Variants in SCNN1B observed in about 807,000 individuals in gnomAD.
SCNN1B encodes sodium channel epithelial 1 subunit beta.
Under a neutral mutation model 65.3 loss-of-function variants are expected in SCNN1B, and 46 were observed. The ratio of observed to expected loss-of-function variants is 0.70; its 90% CI spans 0.56 to 0.90. The LOEUF (loss-of-function observed/expected upper bound fraction) is 0.90. SCNN1B is among the 40% of genes least tolerant of loss of function. The pLI is 0.00. For synonymous variants in SCNN1B, 349 were observed against 330.6 expected, an observed-to-expected ratio of 1.06 and a Z score of -0.60; for missense variants, 751 against 830.5, an observed-to-expected ratio of 0.90 and a Z score of 1.18.
chr16:23,369,760 T>C (rs1349073911), intron 5 of SCNN1B, among the ~76,000 whole-genome samples: 1 of 152,174 alleles, frequency 6.6e-6, no homozygotes, highest in East Asian at 1.9e-4. Flanking sequence ...GGCAGATGGT[T>C]ATAGTCAGGG....
At chr16:23,282,620 A>C (rs923621245) in intron 1 of SCNN1B, among the ~76,000 whole-genome samples, 7 of 152,308 alleles carry the variant, frequency 4.6e-5, no homozygotes, top group African/African-American at 1.7e-4. Flanking sequence ...CACTGGACCA[A>C]ATTGAGAACT....
rs372303239 is a variant in SCNN1B, at chr16:23,375,774, C to A, written c.1189C>A (p.Arg397Ser). 6.2e-7 allele frequency: 1 copy of A among 1,614,136 alleles called. No individual in the cohort carries two copies. Among genetic ancestry groups the A allele is most frequent in the Admixed American group, 1.7e-5 (1 of 60,014 alleles). The stretch of plus-strand genomic sequence containing the variant: ...CTCCTGCTTCCAAGACCACATGATC[C>A]GTAACTGCAACTGTGGCCACTACCT... The part of the protein sequence containing the change: ...LRSCFQDHMI[R>S]NCNCGHYLYP... The change falls in exon 8 of 13, where the codon CGT becomes AGT. Residue 397 changes from arginine (R) to serine (S), a missense_variant. By Grantham distance (110) the Arg-to-Ser change is moderately radical. Transcript: ENST00000343070.
chr16:23,296,571 G>A (rs1299898260), intron 2 of SCNN1B, among the ~76,000 whole-genome samples: 2 of 152,120 alleles, frequency 1.3e-5, no homozygotes, highest in Admixed American at 6.6e-5. Flanking sequence ...TGTGAAATGG[G>A]AACAAAAATT....
chr16:23,303,752 CAAAA>C (rs57357047), intron 1 of SCNN1B, among the ~76,000 whole-genome samples: 1 of 110,166 alleles, frequency 9.1e-6, no homozygotes, highest in Non-Finnish European at 2.1e-5. Flanking sequence ...CCCATTTCTA[CAAAA>C]AAAAAAAAAA....
At chr16:23,304,631 G>C (rs1350613794) in intron 1 of SCNN1B, among the ~76,000 whole-genome samples, 1 of 152,208 alleles carries the variant, frequency 6.6e-6, no homozygotes, top group Non-Finnish European at 1.5e-5. Context: ...GGACTGTCCA[G>C]GGTCCTGTTT....
At chr16:23,332,721 C>G (rs542163956) in intron 1 of SCNN1B, among the ~76,000 whole-genome samples, 1 of 152,244 alleles carries the variant, frequency 6.6e-6, no homozygotes, top group South Asian at 2.1e-4. Flanking sequence ...AGGATTCCAT[C>G]CTAGTGGAGT....
At chr16:23,300,168 G>T (rs535158479), upstream of SCNN1B, among the ~76,000 whole-genome samples, 6 of 152,168 alleles carry the variant, frequency 3.9e-5, no homozygotes, top group African/African-American at 1.2e-4. Flanking sequence ...AGGGAGGGGA[G>T]CATCACACAC....
At chr16:23,287,717 C>T (rs1252880854) in intron 2 of SCNN1B, among the ~76,000 whole-genome samples, 1 of 151,976 alleles carries the variant, frequency 6.6e-6, no homozygotes, top group African/African-American at 2.4e-5. Flanking sequence ...ACAATCCAGC[C>T]TGAATGACAG....
chr16:23,336,042 C>T lies in SCNN1B; in HGVS notation c.-8-12550C>T, dbSNP rs766850573. ...GCTGCATGGCCCCACTTCAGATTTC[C>T]CCAACACCCACCAGAACAGGTGCAA... On this transcript the variant is annotated intron_variant, in intron 1 of 12. Coordinates refer to ENST00000343070, the MANE Select transcript of SCNN1B (RefSeq NM_000336.3). Among the ~76,000 whole-genome samples, 9 of 152,132 alleles carry T rather than the reference C, an allele frequency of 5.9e-5. No individual in the cohort carries two copies. In the South Asian group the frequency reaches 1.9e-3, roughly 32 times the overall value.
chr16:23,371,417 C>T lies in SCNN1B; in HGVS notation c.999C>T (p.Gly333=). ...QRSYPFIRDE[G]IYAMSGTETS... is the part of the protein sequence containing the mutation. ...CATACCCCTTCATCAGAGATGAGGG[C>T]ATCTACGCCATGTCGGGGACAGAGA... The change falls in exon 6 of 13, where the codon GGC becomes GGT. Residue 333 remains glycine (G), a synonymous_variant. Transcript: ENST00000343070. The T allele has an allele frequency of 6.2e-7, 1 of 1,614,040 alleles. No homozygotes were observed. Among genetic ancestry groups the T allele is most frequent in the Non-Finnish European group, 8.5e-7 (1 of 1,179,942 alleles).
intron 4 of SCNN1B, among the ~76,000 whole-genome samples, chr16:23,360,142 G>A (rs542007843): frequency 5.9e-5 from 9 of 152,106 alleles, no homozygotes; most frequent in Admixed American, 3.9e-4. Flanking sequence ...AGGTTGCAGT[G>A]AGCTGAGATC....
intron 1 of SCNN1B, among the ~76,000 whole-genome samples, chr16:23,281,900 A>C (rs1344854121): frequency 2.0e-5 from 3 of 152,106 alleles, no homozygotes; most frequent in Admixed American, 6.5e-5. Flanking sequence ...TCATAATAGT[A>C]ATACTTACTG....
At chr16:23,301,132 G>A (rs539776794), upstream of SCNN1B, among the ~76,000 whole-genome samples, 1 of 152,176 alleles carries the variant, frequency 6.6e-6, no homozygotes, top group East Asian at 1.9e-4. Flanking sequence ...GGGAGCCCGA[G>A]GCGGGTGGAT....
At position 23,352,969 on chromosome 16, in the gene SCNN1B, C is replaced by T. The variant is rs1962342002; in HGVS notation, c.480C>T (p.His160=). Residue 160 remains histidine, a synonymous_variant, in exon 3 of 13, where the codon CAC becomes CAT. Coordinates refer to ENST00000343070, the MANE Select transcript of SCNN1B (RefSeq NM_000336.3). ...LVLIDERNPH[H]PMVLDLFGDN... is the part of the protein sequence containing the mutation. ...TTATTGATGAACGGAACCCCCACCA[C>T]CCCATGGTCCTTGATCTCTTTGGAG... 6.2e-7 allele frequency: 1 copy of T among 1,614,206 alleles called. No homozygotes were observed. Among genetic ancestry groups the T allele is most frequent in the Non-Finnish European group, 8.5e-7 (1 of 1,180,038 alleles).
intron 1 of SCNN1B, among the ~76,000 whole-genome samples, chr16:23,306,545 A>AG (rs11382780): frequency 0.5 from 75,832 of 152,054 alleles, 23,354 homozygotes; most frequent in African/African-American, 0.87. Context: ...TAAGGGAGGG[A>AG]GAAGGAAGGA....
At chr16:23,341,809 T>G (rs1361307662) in intron 1 of SCNN1B, among the ~76,000 whole-genome samples, 1 of 152,182 alleles carries the variant, frequency 6.6e-6, no homozygotes, top group African/African-American at 2.4e-5. Context: ...GTAGCTGTAA[T>G]AACTTTTTAA....
intron 1 of SCNN1B, among the ~76,000 whole-genome samples, chr16:23,278,955 T>C (rs569338161): frequency 6.7e-6 from 1 of 149,348 alleles, no homozygotes; most frequent in African/African-American, 2.5e-5. Flanking sequence ...AAATAAAAAA[T>C]GAAATGAAAT....
intron 1 of SCNN1B, among the ~76,000 whole-genome samples, chr16:23,334,384 C>T (rs1275110704): frequency 6.6e-6 from 1 of 152,120 alleles, no homozygotes; most frequent in African/African-American, 2.4e-5. Flanking sequence ...TTTTTCGAGT[C>T]ATGGACTATA....
At chr16:23,314,357 CAG>C (rs1039019490) in intron 1 of SCNN1B, among the ~76,000 whole-genome samples, 2 of 152,170 alleles carry the variant, frequency 1.3e-5, no homozygotes, top group African/African-American at 4.8e-5. Flanking sequence ...CTTTTACACA[CAG>C]AGAAACTGAG....
Sources: allele counts gnomAD v4.1 joint callset (sites outside exome capture counted in the v4.1 genomes callset), GRCh38; gene constraint gnomAD v4.1.1; transcripts MANE v1.5; gene names NCBI Gene and HGNC (gene_info 2026-07-23, HGNC 2026-07-21).